Variants in STS observed in about 807,000 individuals in gnomAD.
STS encodes steryl-sulfatase.
STS carries 7 observed loss-of-function variants against 26.8 expected under a neutral mutation model. The observed-to-expected ratio is 0.26, with a 90% CI of 0.15 to 0.49. STS has a LOEUF of 0.49. STS is among the 20% of genes least tolerant of loss of function. The pLI is 0.98. For synonymous variants in STS, 199 were observed against 189.4 expected, an observed-to-expected ratio of 1.05 and a Z score of -0.42; for missense variants, 434 against 465.6, an observed-to-expected ratio of 0.93 and a Z score of 0.63.
chrX:7,259,664 G>A lies in STS; in HGVS notation c.698G>A (p.Arg233Gln), dbSNP rs150838898. The change falls in exon 6 of 11, where the codon CGG (arginine) becomes CAG (glutamine). Residue 233 changes from arginine to glutamine, a missense_variant. Transcript: ENST00000674429. ...TLFLGFLHYF[R>Q]PLNCFMMRNY... is the part of the protein sequence containing the mutation. ...TTCTTGGGCTTCCTTCATTACTTCC[G>A]GCCCCTGAACTGCTTCATGATGAGG... The A allele has an allele frequency of 5.0e-6, 6 of 1,208,311 alleles. No individual in the cohort carries two copies. Among genetic ancestry groups the A allele is most frequent in the Admixed American group, 4.4e-5 (2 of 45,539 alleles).
At chrX:7,210,016 G>T (rs1920988462) in intron 2 of STS, among the ~76,000 whole-genome samples, 1 of 111,423 alleles carries the variant, frequency 9.0e-6, no homozygotes, top group Admixed American at 9.6e-5. Flanking sequence ...TCTTTATCCA[G>T]TCTATCATTG....
intron 10 of STS, among the ~76,000 whole-genome samples, chrX:7,346,302 A>G (rs1194867609): frequency 4.5e-5 from 5 of 111,489 alleles, no homozygotes; most frequent in African/African-American, 1.6e-4. Context: ...TTTCCTAAGC[A>G]TTTTGTTCTA....
intron 8 of STS, 65 bp from the exon 9 acceptor site, chrX:7,325,274 T>G: frequency 8.8e-7 from 1 of 1,138,799 alleles, no homozygotes; most frequent in Admixed American, 2.3e-5. Context: ...AAAGAGTCCA[T>G]TGAAGTGAGC....
At chrX:7,148,250 C>T in intron 1 of STS, 167 bp downstream of exon 1, 1 of 327,085 alleles carries the variant, frequency 3.1e-6, no homozygotes, top group Admixed American at 6.4e-5. Flanking sequence ...CCTCGCCCGG[C>T]TCCGAGCCCG....
chrX:7,269,770 G>A (rs1924180667), intron 6 of STS, among the ~76,000 whole-genome samples: 1 of 111,280 alleles, frequency 9.0e-6, no homozygotes, highest in Non-Finnish European at 1.9e-5. Context: ...TGGGGGTGGC[G>A]GTTGTTGATA....
chrX:7,150,368 C>A (rs1602864399), intron 1 of STS, among the ~76,000 whole-genome samples: 1 of 110,770 alleles, frequency 9.0e-6, no homozygotes, highest in East Asian at 2.8e-4. Flanking sequence ...ATTACAGGCG[C>A]CAGCCACCAC....
intron 2 of STS, among the ~76,000 whole-genome samples, chrX:7,232,572 T>C (rs1214887840): frequency 1.8e-5 from 2 of 111,876 alleles, no homozygotes; most frequent in African/African-American, 3.3e-5. Context: ...TTGGTAGATA[T>C]AGCAGGCGAG....
At chrX:7,149,591 C>T (rs752505420) in intron 1 of STS, among the ~76,000 whole-genome samples, 1 of 111,939 alleles carries the variant, frequency 8.9e-6, no homozygotes, top group East Asian at 2.8e-4. Context: ...CAAATACAGT[C>T]GTTCGTGGTT....
rs149104091 is a variant in STS, at chrX:7,325,284, C to T, written c.1082-55C>T. ...GCACGAAAGAGTCCATTGAAGTGAG[C>T]ATTGAAAGGATTGAAATCTCCCTGT... On this transcript the variant is annotated intron_variant, in intron 8 of 10. Coordinates refer to ENST00000674429, the MANE Select transcript of STS (RefSeq NM_001320752.2). 0.012 allele frequency: 14,278 copies of T among 1,157,033 alleles called. 88 individuals carry two copies. Among genetic ancestry groups the T allele is most frequent in the Non-Finnish European group, 0.015 (12,658 of 850,875 alleles).
intron 6 of STS, among the ~76,000 whole-genome samples, chrX:7,266,684 G>A (rs1399273516): frequency 5.3e-5 from 6 of 112,238 alleles, no homozygotes; most frequent in African/African-American, 1.6e-4. Flanking sequence ...GCATAAAGGA[G>A]TGAATTATAA....
intron 8 of STS, among the ~76,000 whole-genome samples, chrX:7,322,166 G>C (rs1050586811): frequency 8.9e-6 from 1 of 112,573 alleles, no homozygotes; most frequent in Non-Finnish European, 1.9e-5. Flanking sequence ...CAGAAAGAAT[G>C]GGGCCTTGCC....
intron 2 of STS, among the ~76,000 whole-genome samples, chrX:7,223,236 A>G (rs1921653940): frequency 1.8e-5 from 2 of 112,131 alleles, no homozygotes; most frequent in Non-Finnish European, 3.8e-5. Context: ...TTTTAATACA[A>G]TGATGTCTTT....
chrX:7,148,463 A>G (rs368061069), intron 1 of STS, among the ~76,000 whole-genome samples: 5 of 112,795 alleles, frequency 4.4e-5, no homozygotes, highest in South Asian at 7.2e-4. Context: ...GGACAAATTC[A>G]GTGCTTGAGT....
intron 1 of STS, 118 bp downstream of exon 1, chrX:7,148,201 C>T: frequency 1.7e-6 from 1 of 583,391 alleles, no homozygotes; most frequent in Non-Finnish European, 2.5e-6. Flanking sequence ...GACCTTCTCG[C>T]GCGCCCGGGG....
intron 7 of STS, among the ~76,000 whole-genome samples, chrX:7,293,574 A>G (rs1306234215): frequency 8.9e-6 from 1 of 111,955 alleles, no homozygotes; most frequent in Non-Finnish European, 1.9e-5. Flanking sequence ...CACATCTTCG[A>G]AAATGGCATT....
chrX:7,279,292 A>AAAATAT (rs1477179869), intron 7 of STS, among the ~76,000 whole-genome samples: 2 of 62,781 alleles, frequency 3.2e-5, no homozygotes, highest in African/African-American at 1.2e-4. Flanking sequence ...AAAAAAAAAA[A>AAAATAT]ATATATATAT....
chrX:7,160,190 T>C (rs1933213980), intron 1 of STS, among the ~76,000 whole-genome samples: 1 of 112,671 alleles, frequency 8.9e-6, no homozygotes, highest in African/African-American at 3.2e-5. Context: ...AAGGTTTCTA[T>C]TTATTTCCCT....
intron 2 of STS, among the ~76,000 whole-genome samples, chrX:7,199,149 T>C (rs1341420573): frequency 8.9e-6 from 1 of 111,927 alleles, no homozygotes; most frequent in Non-Finnish European, 1.9e-5. Flanking sequence ...GGAAATTCTC[T>C]ATTTTAGGAG....
chrX:7,170,464 G>C (rs924642606), intron 1 of STS, among the ~76,000 whole-genome samples: 5 of 110,276 alleles, frequency 4.5e-5, no homozygotes, highest in African/African-American at 1.3e-4. Context: ...TTGAGACAGG[G>C]TTTCACTCTG....
Sources: allele counts gnomAD v4.1 joint callset (sites outside exome capture counted in the v4.1 genomes callset), GRCh38; gene constraint gnomAD v4.1.1; transcripts MANE v1.5; gene names NCBI Gene and HGNC (gene_info 2026-07-23, HGNC 2026-07-21).